The following RALGAPA1 variants were observed in gnomAD, a reference collection of about 807,000 sequenced individuals.
RALGAPA1 encodes the protein Ral GTPase activating protein catalytic subunit alpha 1, also known as ral GTPase-activating protein subunit alpha-1.
RALGAPA1 carries 52 observed loss-of-function variants against 269.6 expected under a neutral mutation model. That is an observed-to-expected ratio of 0.19 (90% CI 0.15 to 0.24). The LOEUF is 0.24. RALGAPA1 is among the 10% of genes least tolerant of loss of function. The pLI is 1.00. For missense variants in RALGAPA1, 1,917 were observed against 3,013.9 expected (o/e 0.64, Z 8.52); for synonymous variants, 817 against 1,008.3 (o/e 0.81, Z 3.60).
At chr14:35,771,726 C>G (rs1302717463) in intron 3 of RALGAPA1, among the ~76,000 whole-genome samples, 2 of 151,864 alleles carry the variant, frequency 1.3e-5, no homozygotes, top group Non-Finnish European at 2.9e-5. Context: ...ACTGGCTATT[C>G]AGAAGCATGA....
rs983802754 is a variant in RALGAPA1 at position 35,742,275 on chromosome 14, A to G, written c.1449+93T>C. 1.2e-5 allele frequency: 11 copies of G among 934,764 alleles called. No individual in the cohort carries two copies. The African/African-American group carries it at 1.7e-4, about 14-fold the overall frequency. The allele number at this position is 934,764 out of a possible 1,614,324, so 57.9% of individuals were successfully genotyped here. A position where few individuals can be genotyped will look rare whatever the true frequency, so the allele number is the denominator to read the frequency against. ...GAAAGATATCTTTATCTTCCCATTT[A>G]ATAAGTATATTTGTGTTAACCCATT... On this transcript the variant is annotated intron_variant, in intron 11 of 41. Transcript: ENST00000680220.
Position 35,686,548 on chromosome 14 carries a change from A to G in RALGAPA1, c.4071T>C (p.Asn1357=). 1.2e-6 allele frequency: 2 copies of G among 1,600,804 alleles called. No homozygotes were observed. Among genetic ancestry groups the G allele is most frequent in the South Asian group, 1.1e-5 (1 of 88,104 alleles). The part of the protein sequence containing the change: ...EFIAERLRSG[N]ASTMTRRGSS... ...TATATAAAATAAAACTTACCGAGGC[A>G]TTACCACTTCGAAGTCGTTCTGCTA... The change falls in exon 19 of 42, where the codon AAT becomes AAC. Residue 1357 remains asparagine (N), a synonymous_variant. Transcript: ENST00000680220.
chr14:35,739,665 C>A (rs2071369926), intron 11 of RALGAPA1, among the ~76,000 whole-genome samples: 1 of 152,100 alleles, frequency 6.6e-6, no homozygotes, highest in African/African-American at 2.4e-5. Flanking sequence ...ACTTGCGACA[C>A]CTCCCCATTC....
At chr14:35,733,042 C>T (rs898504677) in intron 12 of RALGAPA1, among the ~76,000 whole-genome samples, 3 of 152,094 alleles carry the variant, frequency 2.0e-5, no homozygotes, top group Admixed American at 6.5e-5. Context: ...GAAATTATAT[C>T]GAAGCACTCT....
chr14:35,650,898 A>G (rs535338050), intron 31 of RALGAPA1, among the ~76,000 whole-genome samples: 16 of 147,208 alleles, frequency 1.1e-4, no homozygotes, highest in Non-Finnish European at 2.2e-4. Flanking sequence ...AAAATGGTCT[A>G]TATTTGCCCA....
chr14:35,699,893 A>G (rs530065133), intron 17 of RALGAPA1, among the ~76,000 whole-genome samples: 3 of 146,060 alleles, frequency 2.1e-5, no homozygotes, highest in Non-Finnish European at 3.0e-5. Context: ...AAAATCAAAC[A>G]GCAAAAAAAA....
intron 11 of RALGAPA1, among the ~76,000 whole-genome samples, chr14:35,741,241 T>C (rs771474522): frequency 6.6e-6 from 1 of 152,136 alleles, no homozygotes; most frequent in South Asian, 2.1e-4. Context: ...ACTAAAAAAG[T>C]CAGAGAAAAC....
At chr14:35,674,152 A>G (rs750986906) in intron 24 of RALGAPA1, 28 bp downstream of exon 24, 6 of 1,499,430 alleles carry the variant, frequency 4.0e-6, no homozygotes, top group Non-Finnish European at 5.5e-6. Flanking sequence ...GAGAAGTTTT[A>G]AACTAATATT....
chr14:35,587,284 G>T (rs1161781036), intron 37 of RALGAPA1, among the ~76,000 whole-genome samples: 1 of 152,108 alleles, frequency 6.6e-6, no homozygotes, highest in Non-Finnish European at 1.5e-5. Context: ...TAGTAAACTA[G>T]TTCAACCATT....
intron 4 of RALGAPA1, among the ~76,000 whole-genome samples, chr14:35,763,194 T>C (rs1162211614): frequency 1.4e-5 from 2 of 142,664 alleles, no homozygotes; most frequent in Non-Finnish European, 3.0e-5. Context: ...CATTAATATT[T>C]CCTTTTTTCT....
chr14:35,590,768 A>G (rs561141778), intron 37 of RALGAPA1, among the ~76,000 whole-genome samples: 2 of 152,366 alleles, frequency 1.3e-5, no homozygotes, highest in African/African-American at 4.8e-5. Flanking sequence ...AAAGAGTCCT[A>G]AACTTCCTTT....
At chr14:35,798,227 A>G (rs1345400404) in intron 1 of RALGAPA1, among the ~76,000 whole-genome samples, 1 of 147,354 alleles carries the variant, frequency 6.8e-6, no homozygotes, top group Admixed American at 6.8e-5. Flanking sequence ...GCTAGTGTGC[A>G]GGGGCATGAA....
chr14:35,715,957 G>A (rs760799803), intron 16 of RALGAPA1: 99 of 985,238 alleles, frequency 1.0e-4, no homozygotes, highest in Non-Finnish European at 1.2e-4. Flanking sequence ...CAAACCAGTG[G>A]TACGACGAAA....
chr14:35,727,159 T>C (rs1457288444), intron 13 of RALGAPA1, among the ~76,000 whole-genome samples: 1 of 151,308 alleles, frequency 6.6e-6, no homozygotes, highest in Non-Finnish European at 1.5e-5. Flanking sequence ...AAATTAGGAG[T>C]ACTTAGTCAA....
chr14:35,649,142 G>T (rs10132580), intron 31 of RALGAPA1, among the ~76,000 whole-genome samples: 52,872 of 151,996 alleles, frequency 0.35, 12,696 homozygotes, highest in African/African-American at 0.67. Flanking sequence ...TCCACCTGGA[G>T]ATTACTTTTT....
chr14:35,601,467 G>A (rs1223655659), intron 36 of RALGAPA1, among the ~76,000 whole-genome samples: 2 of 152,128 alleles, frequency 1.3e-5, no homozygotes, highest in Non-Finnish European at 1.5e-5. Context: ...TTGGGGATGG[G>A]GTCAAGGAAT....
chr14:35,594,468 A>G (rs1220059521), intron 37 of RALGAPA1, among the ~76,000 whole-genome samples: 1 of 152,136 alleles, frequency 6.6e-6, no homozygotes, highest in Non-Finnish European at 1.5e-5. Flanking sequence ...ACAGACATTT[A>G]TTCAAAAACA....
chr14:35,681,891 T>C (rs983710700), intron 21 of RALGAPA1, among the ~76,000 whole-genome samples: 2 of 152,218 alleles, frequency 1.3e-5, no homozygotes, highest in African/African-American at 4.8e-5. Flanking sequence ...CATAGAATAA[T>C]AACGTATAAT....
chr14:35,715,004 C>T (rs2068688310), intron 16 of RALGAPA1, among the ~76,000 whole-genome samples: 2 of 152,116 alleles, frequency 1.3e-5, no homozygotes, highest in South Asian at 4.2e-4. Flanking sequence ...TCTTTGCAGT[C>T]TTTATGCTCT....
Sources: allele counts gnomAD v4.1 joint callset (sites outside exome capture counted in the v4.1 genomes callset), GRCh38; gene constraint gnomAD v4.1.1; transcripts MANE v1.5; gene names NCBI Gene and HGNC (gene_info 2026-07-23, HGNC 2026-07-21).